Variants in MYO1H observed in about 807,000 individuals in gnomAD.
MYO1H encodes myosin IH.
In MYO1H, 118 loss-of-function variants were observed where a neutral mutation model predicts 149.3. The observed-to-expected ratio is 0.79, with a 90% CI of 0.68 to 0.92. The LOEUF (loss-of-function observed/expected upper bound fraction) is 0.92. Among genes scored for constraint, MYO1H ranks in the 40% least tolerant of loss-of-function variants. The pLI, the probability that MYO1H is intolerant of heterozygous loss-of-function variation, is 0.00. For synonymous variants in MYO1H, 447 were observed against 465.2 expected, an observed-to-expected ratio of 0.96 and a Z score of 0.50; for missense variants, 1,212 against 1,280.7, an observed-to-expected ratio of 0.95 and a Z score of 0.82.
the MYO1H span, among the ~76,000 whole-genome samples, chr12:109,335,016 T>C: frequency 6.6e-6 from 1 of 152,212 alleles, no homozygotes; most frequent in African/African-American, 2.4e-5. Context: ...ATTTGTTTAT[T>C]CTGGAAATTT....
intron 1 of MYO1H, among the ~76,000 whole-genome samples, chr12:109,358,829 G>A (rs533420002): frequency 7.3e-6 from 1 of 136,134 alleles, no homozygotes; most frequent in Non-Finnish European, 1.5e-5. Context: ...ACTTCTGGGG[G>A]AAGCATCCTG....
the MYO1H span, among the ~76,000 whole-genome samples, chr12:109,321,968 A>G: frequency 6.6e-6 from 1 of 152,154 alleles, no homozygotes; most frequent in African/African-American, 2.4e-5. Context: ...CACAGGTCCC[A>G]AAGGGAACAC....
At chr12:109,324,789 G>C in the MYO1H span, among the ~76,000 whole-genome samples, 1 of 151,880 alleles carries the variant, frequency 6.6e-6, no homozygotes, top group African/African-American at 2.4e-5. Context: ...GTGCCATGGT[G>C]GTTTGCTGCA....
At chr12:109,360,573 G>C (rs1868722652) in intron 1 of MYO1H, among the ~76,000 whole-genome samples, 1 of 152,162 alleles carries the variant, frequency 6.6e-6, no homozygotes, top group South Asian at 2.1e-4. Flanking sequence ...AACTTCTCAA[G>C]CATCTGCCTT....
chr12:109,439,144 G>A (rs1435362889), intron 23 of MYO1H, among the ~76,000 whole-genome samples: 7 of 151,450 alleles, frequency 4.6e-5, no homozygotes, highest in Non-Finnish European at 1.0e-4. Context: ...GTGTGATCTC[G>A]GCTCACTGCA....
the MYO1H span, among the ~76,000 whole-genome samples, chr12:109,341,188 C>CG: frequency 2.5e-5 from 2 of 81,120 alleles, no homozygotes; most frequent in Non-Finnish European, 4.1e-5. Flanking sequence ...GACTCCATCT[C>CG]GAAAAAAAAA....
chr12:109,435,261 C>A, intron 21 of MYO1H, 148 bp downstream of exon 21: 1 of 593,658 alleles, frequency 1.7e-6, no homozygotes, highest in South Asian at 2.2e-5. Context: ...ATGATAAGAT[C>A]CCTGTGAATT....
chr12:109,443,024 ATATATG>A (rs1313455970), intron 27 of MYO1H, among the ~76,000 whole-genome samples: 1 of 101,226 alleles, frequency 9.9e-6, no homozygotes, highest in Non-Finnish European at 2.0e-5. Context: ...ATATATATAT[ATATATG>A]TGTGTGTGTG....
At chr12:109,416,545 C>T (rs767765701) in intron 15 of MYO1H, among the ~76,000 whole-genome samples, 1 of 152,148 alleles carries the variant, frequency 6.6e-6, no homozygotes, top group Non-Finnish European at 1.5e-5. Flanking sequence ...TTTGTTCATG[C>T]ATTCATCAAT....
intron 7 of MYO1H, among the ~76,000 whole-genome samples, chr12:109,404,528 T>A (rs1389105400): frequency 2.6e-5 from 4 of 152,220 alleles, no homozygotes; most frequent in African/African-American, 4.8e-5. Context: ...CAGTTACATA[T>A]GAATTTCAGA....
chr12:109,380,573 T>G (rs1403948107), intron 1 of MYO1H, among the ~76,000 whole-genome samples: 3 of 152,338 alleles, frequency 2.0e-5, no homozygotes, highest in South Asian at 2.1e-4. Flanking sequence ...GTTGTGTGTA[T>G]ATTGTTAATA....
At chr12:109,415,903 ATTCATTTTAT>A (rs1870882194) in intron 15 of MYO1H, among the ~76,000 whole-genome samples, 1 of 147,400 alleles carries the variant, frequency 6.8e-6, no homozygotes, top group Non-Finnish European at 1.5e-5. Flanking sequence ...CATTACCACC[ATTCATTTTAT>A]TTTATTTTAT....
At chr12:109,346,228 A>G (rs1316532817), upstream of MYO1H, among the ~76,000 whole-genome samples, 5 of 152,186 alleles carry the variant, frequency 3.3e-5, no homozygotes, top group Non-Finnish European at 5.9e-5. Context: ...TAGGTATTAT[A>G]AGTAATCTGA....
exon 32 of MYO1H, chr12:109,448,274 A>G (rs1468293509): frequency 7.2e-5 from 11 of 152,150 alleles, no homozygotes; most frequent in Non-Finnish European, 1.2e-4. Context: ...CCAAGAACCT[A>G]TCGATGACTT....
upstream of MYO1H, among the ~76,000 whole-genome samples, chr12:109,347,225 A>G (rs192243875): frequency 2.0e-5 from 3 of 152,202 alleles, no homozygotes; most frequent in East Asian, 5.8e-4. Flanking sequence ...GTGGTGGGTG[A>G]TGGGTGGGGT....
At chr12:109,416,029 G>A (rs1012366889) in intron 15 of MYO1H, among the ~76,000 whole-genome samples, 3 of 151,596 alleles carry the variant, frequency 2.0e-5, no homozygotes, top group African/African-American at 7.3e-5. Context: ...TGCAACCTCC[G>A]CCTCCCAGGT....
chr12:109,369,033 G>T (rs1868929089), intron 1 of MYO1H, among the ~76,000 whole-genome samples: 2 of 152,100 alleles, frequency 1.3e-5, no homozygotes, highest in South Asian at 4.1e-4. Flanking sequence ...TGTCACCCAG[G>T]CTGGAGTGTA....
chr12:109,395,650 G>A (rs535830624), intron 3 of MYO1H, among the ~76,000 whole-genome samples: 2 of 151,756 alleles, frequency 1.3e-5, no homozygotes, highest in Admixed American at 1.3e-4. Flanking sequence ...CATGAGAATC[G>A]CTTGAACTTG....
intron 11 of MYO1H, 81 bp downstream of exon 11, chr12:109,409,705 T>G: frequency 8.6e-7 from 1 of 1,164,132 alleles, no homozygotes; most frequent in Non-Finnish European, 1.3e-6. Flanking sequence ...TCGCTAATGT[T>G]ACTAGATTGA....
Sources: allele counts gnomAD v4.1 joint callset (sites outside exome capture counted in the v4.1 genomes callset), GRCh38; gene constraint gnomAD v4.1.1; transcripts MANE v1.5; gene names NCBI Gene and HGNC (gene_info 2026-07-23, HGNC 2026-07-21).